Variants in PPP1R14C observed in about 807,000 individuals in gnomAD.
The protein encoded by PPP1R14C is protein phosphatase 1 regulatory subunit 14C.
A neutral mutation model predicts 20.4 loss-of-function variants in PPP1R14C; 16 were observed. The observed-to-expected ratio is 0.78, with a 90% CI of 0.53 to 1.19. The LOEUF (loss-of-function observed/expected upper bound fraction) is 1.19, where lower values mean the gene tolerates loss of function less well. Among genes scored for constraint, PPP1R14C ranks in the 50% most tolerant of loss-of-function variants. PPP1R14C has a pLI of 0.00. For synonymous variants in PPP1R14C, 91 were observed against 91.0 expected, an observed-to-expected ratio of 1.00 and a Z score of 0.00; for missense variants, 211 against 220.1, an observed-to-expected ratio of 0.96 and a Z score of 0.26.
chr6:150,203,689 C>A (rs1398556933), intron 1 of PPP1R14C, among the ~76,000 whole-genome samples: 5 of 117,378 alleles, frequency 4.3e-5, no homozygotes, highest in Non-Finnish European at 9.9e-5. Context: ...GAACCGTCTT[C>A]TCTCCAAGAA....
chr6:150,199,869 T>TTA (rs1554219688), intron 1 of PPP1R14C, among the ~76,000 whole-genome samples: 4 of 146,040 alleles, frequency 2.7e-5, no homozygotes, highest in African/African-American at 1.0e-4. Flanking sequence ...AGCCTGTCTC[T>TTA]AAAAAAAAAA....
chr6:150,224,074 T>C (rs1216788181), intron 3 of PPP1R14C, among the ~76,000 whole-genome samples: 3 of 152,366 alleles, frequency 2.0e-5, no homozygotes, highest in Middle Eastern at 3.4e-3. Flanking sequence ...CACGTGGATT[T>C]CCAGTTGTCT....
intron 3 of PPP1R14C, among the ~76,000 whole-genome samples, chr6:150,219,273 G>C (rs1051376025): frequency 2.0e-5 from 3 of 152,006 alleles, no homozygotes; most frequent in Non-Finnish European, 4.4e-5. Context: ...CTGTCACCTA[G>C]GCTGGAGTGC....
At chr6:150,219,548 A>G (rs372847256) in intron 3 of PPP1R14C, among the ~76,000 whole-genome samples, 77 of 152,122 alleles carry the variant, frequency 5.1e-4, no homozygotes, top group African/African-American at 1.8e-3. Flanking sequence ...TCTAATACCA[A>G]TTGGTATTTT....
At position 150,143,163 on chromosome 6, in the gene PPP1R14C, G is replaced by A. The variant is rs1020438626; in HGVS notation, c.-30G>A. On this transcript the variant is annotated 5_prime_UTR_variant, in exon 1 of 4. Transcript: ENST00000361131. The surrounding 1 kb of genome is among the most constrained non-coding windows in gnomAD (Gnocchi z 5.6). ...GCGCGCTCCGCCCGCCCCTCCTCCGGGCCGCACTGAGGCTCGGGCGCGCGG... is the reference window on the plus strand; with the variant it reads ...GCGCGCTCCGCCCGCCCCTCCTCCGAGCCGCACTGAGGCTCGGGCGCGCGG... The A allele has an allele frequency of 2.0e-5, 26 of 1,287,500 alleles. No individual in the cohort carries two copies. The highest frequency in any genetic ancestry group is 4.3e-5 in the Admixed American group (1 of 23,110). The allele number at this position is 1,287,500 out of a possible 1,614,324, so 79.8% of individuals were successfully genotyped here.
chr6:150,243,226 A>G (rs1171488383), intron 3 of PPP1R14C, among the ~76,000 whole-genome samples: 2 of 143,058 alleles, frequency 1.4e-5, no homozygotes, highest in South Asian at 4.4e-4. Context: ...CCCAGGCCGG[A>G]GTGCAATGGC....
At chr6:150,228,659 G>A (rs998433668) in intron 3 of PPP1R14C, among the ~76,000 whole-genome samples, 10 of 151,950 alleles carry the variant, frequency 6.6e-5, no homozygotes, top group South Asian at 2.1e-4. Flanking sequence ...AAATCACATC[G>A]TTAGACTATC....
Position 150,143,339 on chromosome 6 carries a change from C to G in PPP1R14C, c.147C>G (p.Pro49=). The change falls in exon 1 of 4, where the codon CCC becomes CCG. Residue 49 remains proline, a synonymous_variant. Transcript: ENST00000361131. The surrounding 1 kb of genome is among the most constrained non-coding windows in gnomAD (Gnocchi z 5.6). The part of the protein sequence containing the change: ...GSGSSREDSA[P]VATAAAAGQV... The stretch of plus-strand genomic sequence containing the variant: ...GCTCCTCCCGGGAGGACTCGGCGCC[C>G]GTGGCCACGGCGGCCGCTGCAGGGC... 6.2e-7 allele frequency: 1 copy of G among 1,604,442 alleles called. No individual in the cohort carries two copies. Among genetic ancestry groups the G allele is most frequent in the Admixed American group, 1.7e-5 (1 of 59,252 alleles).
Position 150,216,855 on chromosome 6 carries a change from A to G in PPP1R14C, c.422A>G (p.Glu141Gly). 2 of 1,602,294 alleles carry G rather than the reference A, an allele frequency of 1.2e-6. No homozygotes were observed. Among genetic ancestry groups the G allele is most frequent in the Non-Finnish European group, 1.7e-6 (2 of 1,173,652 alleles). The change falls in exon 3 of 4, where the codon GAG (glutamate) becomes GGG (glycine). Residue 141 changes from glutamate to glycine, a missense_variant and splice_region_variant. Transcript: ENST00000361131. ...CTTGTAGACTGCTACAAACCAACAG[A>G]GGTAAGCAAATCACTTTTCCTAAAT... is the stretch of plus-strand genomic sequence containing the variant. ...EALVDCYKPT[E>G]EFIKELLSRI...
At chr6:150,242,758 AT>A (rs1778447651) in intron 3 of PPP1R14C, among the ~76,000 whole-genome samples, 1 of 152,210 alleles carries the variant, frequency 6.6e-6, no homozygotes, top group South Asian at 2.1e-4. Context: ...AAGAAGTAAA[AT>A]TGTTTTTATT....
At chr6:150,169,398 T>C (rs1777473318) in intron 1 of PPP1R14C, among the ~76,000 whole-genome samples, 1 of 152,120 alleles carries the variant, frequency 6.6e-6, no homozygotes, top group South Asian at 2.1e-4. Context: ...AAATTAAAAA[T>C]AGAAACAATA....
intron 1 of PPP1R14C, among the ~76,000 whole-genome samples, chr6:150,152,667 C>A (rs1249499273): frequency 6.6e-6 from 1 of 152,146 alleles, no homozygotes; most frequent in African/African-American, 2.4e-5. Context: ...AGGAGCTTCT[C>A]TGATCCATCT....
At chr6:150,149,825 A>G (rs1777224727) in intron 1 of PPP1R14C, among the ~76,000 whole-genome samples, 1 of 152,198 alleles carries the variant, frequency 6.6e-6, no homozygotes, top group African/African-American at 2.4e-5. Context: ...GGAGAAGAGT[A>G]TAGGGTTACT....
At chr6:150,150,248 T>TA (rs1214233600) in intron 1 of PPP1R14C, among the ~76,000 whole-genome samples, 1 of 128,562 alleles carries the variant, frequency 7.8e-6, no homozygotes, top group Non-Finnish European at 1.6e-5. Context: ...TGTTGGAAAA[T>TA]ACACCTTTCT....
At chr6:150,214,876 G>A (rs1013483414) in intron 2 of PPP1R14C, 49 bp downstream of exon 2, 6 of 1,312,198 alleles carry the variant, frequency 4.6e-6, no homozygotes, top group South Asian at 1.2e-5. Context: ...ACACTTGAGA[G>A]TCTACTTGGG....
At chr6:150,208,046 A>T (rs1777975854) in intron 1 of PPP1R14C, among the ~76,000 whole-genome samples, 1 of 152,200 alleles carries the variant, frequency 6.6e-6, no homozygotes, top group South Asian at 2.1e-4. Flanking sequence ...CCAGCGCCTC[A>T]TGAGAACCAA....
chr6:150,192,995 C>G (rs1241313606), intron 1 of PPP1R14C, among the ~76,000 whole-genome samples: 3 of 152,044 alleles, frequency 2.0e-5, no homozygotes, highest in African/African-American at 4.8e-5. Flanking sequence ...GGAGATAGAC[C>G]CTGGAATATT....
At chr6:150,220,221 G>T (rs1001833646) in intron 3 of PPP1R14C, among the ~76,000 whole-genome samples, 3 of 152,184 alleles carry the variant, frequency 2.0e-5, no homozygotes, top group Non-Finnish European at 4.4e-5. Flanking sequence ...TTTTTCTTCT[G>T]AATCTGTTAT....
intron 1 of PPP1R14C, among the ~76,000 whole-genome samples, chr6:150,171,245 G>A (rs1032785369): frequency 1.6e-4 from 25 of 152,188 alleles, no homozygotes; most frequent in African/African-American, 6.0e-4. Flanking sequence ...TCTCGTTATT[G>A]TGTTTGACAG....
Sources: allele counts gnomAD v4.1 joint callset (sites outside exome capture counted in the v4.1 genomes callset), GRCh38; gene constraint gnomAD v4.1.1; non-coding constraint Gnocchi (gnomAD v3.1); transcripts MANE v1.5; gene names NCBI Gene and HGNC (gene_info 2026-07-23, HGNC 2026-07-21).